The following PRRC2C variants were observed in gnomAD, a reference collection of about 807,000 sequenced individuals.
PRRC2C encodes proline rich coiled-coil 2C.
In PRRC2C, 72 loss-of-function variants were observed where a neutral mutation model predicts 317.2. The observed-to-expected ratio is 0.23, with a 90% CI of 0.19 to 0.28. The LOEUF (loss-of-function observed/expected upper bound fraction) is 0.28. Among genes scored for constraint, PRRC2C ranks in the 10% least tolerant of loss-of-function variants. The pLI is 1.00. For synonymous variants in PRRC2C, 1,296 were observed against 1,205.9 expected, an observed-to-expected ratio of 1.07 and a Z score of -1.55; for missense variants, 3,074 against 3,459.7, an observed-to-expected ratio of 0.89 and a Z score of 2.80.
rs1457456371 is a variant in PRRC2C at position 171,535,460 on chromosome 1, A to C, written c.1906A>C (p.Asn636His). The part of the protein sequence containing the change: ...EEPVFTRQDS[N>H]RSEKEATPVV... ...ACCCGTTTTCACTAGACAAGACAGC[A>C]ATCGCAGTGAAAAGGAAGCCACACC... Residue 636 changes from asparagine to histidine, a missense_variant, in exon 13 of 35, where the codon AAT becomes CAT. By Grantham distance (68) the Asn-to-His change is moderately conservative (BLOSUM62 1). Transcript: ENST00000647382. 1 of 1,613,960 alleles carries C rather than the reference A, an allele frequency of 6.2e-7. No individual in the cohort carries two copies. Among genetic ancestry groups the C allele is most frequent in the East Asian group, 2.2e-5 (1 of 44,886 alleles).
At chr1:171,551,295 C>T (rs1557982686) in intron 18 of PRRC2C, among the ~76,000 whole-genome samples, 1 of 152,126 alleles carries the variant, frequency 6.6e-6, no homozygotes, top group Non-Finnish European at 1.5e-5. Flanking sequence ...ATCCTTTGCC[C>T]ACTTTTTGAT....
chr1:171,498,989 T>TAGAG (rs1220788559), intron 1 of PRRC2C, among the ~76,000 whole-genome samples: 1 of 152,132 alleles, frequency 6.6e-6, no homozygotes, highest in Non-Finnish European at 1.5e-5. Flanking sequence ...TCATTTTGTT[T>TAGAG]AGAGACCAAG....
At chr1:171,499,054 C>T (rs1668622139) in intron 1 of PRRC2C, among the ~76,000 whole-genome samples, 3 of 152,240 alleles carry the variant, frequency 2.0e-5, no homozygotes, top group Admixed American at 2.0e-4. Flanking sequence ...AAGCATTCCT[C>T]CCTCCTTGGC....
Position 171,522,272 on chromosome 1 carries a change from A to C in PRRC2C, c.833+13A>C, listed in dbSNP as rs768177727. The C allele has an allele frequency of 6.6e-7, 1 of 1,525,882 alleles. No homozygotes were observed. Among genetic ancestry groups the C allele is most frequent in the Admixed American group, 1.7e-5 (1 of 59,440 alleles). The allele number at this position is 1,525,882 out of a possible 1,614,324, so 94.5% of individuals were successfully genotyped here. A position where few individuals can be genotyped will look rare whatever the true frequency, so the allele number is the denominator to read the frequency against. ...CTGAAACAAACAAGTAAGGCTATTAAATGATTAAAGTCTGTAAGGAATATA... is the reference window on the plus strand; with the variant it reads ...CTGAAACAAACAAGTAAGGCTATTACATGATTAAAGTCTGTAAGGAATATA... On this transcript the variant is annotated intron_variant, in intron 7 of 34. Coordinates refer to ENST00000647382, the MANE Select transcript of PRRC2C (RefSeq NM_001387844.1).
At position 171,522,278 on chromosome 1, in the gene PRRC2C, T is replaced by C; in HGVS notation, c.833+19T>C. The C allele has an allele frequency of 6.7e-7, 1 of 1,484,656 alleles. No homozygotes were observed. Among genetic ancestry groups the C allele is most frequent in the Non-Finnish European group, 9.4e-7 (1 of 1,065,916 alleles). The allele number at this position is 1,484,656 out of a possible 1,614,324, so 92.0% of individuals were successfully genotyped here. ...CAAACAAGTAAGGCTATTAAATGAT[T>C]AAAGTCTGTAAGGAATATATGCTTG... On this transcript the variant is annotated intron_variant, in intron 7 of 34. Coordinates refer to ENST00000647382, the MANE Select transcript of PRRC2C (RefSeq NM_001387844.1).
intron 28 of PRRC2C, among the ~76,000 whole-genome samples, chr1:171,582,036 CT>C (rs1356044277): frequency 6.6e-6 from 1 of 152,090 alleles, no homozygotes; most frequent in Non-Finnish European, 1.5e-5. Flanking sequence ...TGTTTGTTTG[CT>C]TGCTTAATCT....
chr1:171,556,010 A>G (rs556313627), intron 18 of PRRC2C, among the ~76,000 whole-genome samples: 19 of 152,272 alleles, frequency 1.2e-4, no homozygotes, highest in Admixed American at 1.3e-4. Context: ...TTGTTCAGCT[A>G]TGCCCTGCCC....
At chr1:171,528,437 C>CGT (rs1675114927) in intron 11 of PRRC2C, among the ~76,000 whole-genome samples, 1 of 152,024 alleles carries the variant, frequency 6.6e-6, no homozygotes, top group Non-Finnish European at 1.5e-5. Context: ...TACAGATGCC[C>CGT]GCCACCACGC....
At chr1:171,570,233 C>G (rs1684519535) in intron 23 of PRRC2C, among the ~76,000 whole-genome samples, 1 of 152,138 alleles carries the variant, frequency 6.6e-6, no homozygotes, top group South Asian at 2.1e-4. Context: ...TTTAGGACCT[C>G]TTGAGATGTC....
Position 171,541,630 on chromosome 1 carries a change from A to T in PRRC2C, c.4164A>T (p.Glu1388Asp), listed in dbSNP as rs1043802181. ...GGCAGTCAGAAGTTCCTAAACCAGA[A>T]GATGGAGAGCCGCCAAGAAGACATG... is the stretch of plus-strand genomic sequence containing the variant. The part of the protein sequence containing the change: ...NPRQSEVPKP[E>D]DGEPPRRHEQ... The change falls in exon 16 of 35, where the codon GAA becomes GAT. Residue 1388 changes from glutamate to aspartate, a missense_variant. Glu to Asp is a conservative substitution (Grantham distance 45, BLOSUM62 2). Around this residue, in one of 11 missense-constraint regions of PRRC2C, gnomAD observed 1,320 missense variants for 1,395.7 expected, o/e 0.95. Transcript: ENST00000647382. The surrounding 1 kb of genome is among the most constrained non-coding windows in gnomAD (Gnocchi z 4.1). The T allele has an allele frequency of 6.2e-7, 1 of 1,613,832 alleles. No individual in the cohort carries two copies. The highest frequency in any genetic ancestry group is 8.5e-7 in the Non-Finnish European group (1 of 1,179,864).
chr1:171,526,630 G>A (rs1674614624), intron 10 of PRRC2C, among the ~76,000 whole-genome samples: 1 of 151,858 alleles, frequency 6.6e-6, no homozygotes, highest in African/African-American at 2.4e-5. Flanking sequence ...GAGGCACCAC[G>A]CCTGGCTAAA....
At chr1:171,542,261 T>C in intron 16 of PRRC2C, 32 bp downstream of exon 16, 1 of 1,454,362 alleles carries the variant, frequency 6.9e-7, no homozygotes, top group Non-Finnish European at 9.1e-7. Context: ...TAGTTGCTTT[T>C]GCACCTTTAA....
Position 171,528,464 on chromosome 1 carries a change from GT to G in PRRC2C, c.1254+628del, listed in dbSNP as rs879405802. The stretch of plus-strand genomic sequence containing the variant: ...CCACCACGCCCGGCTAATTTTTTGT[GT>G]TTTTTTTAGTAGAGACGGGGTTTCA... On this transcript the variant is annotated intron_variant, in intron 11 of 34. Transcript: ENST00000647382. Among the ~76,000 whole-genome samples the G allele has an allele frequency of 2.1e-3, 318 of 150,676 alleles. 1 individual carries two copies. Among genetic ancestry groups the G allele is most frequent in the Admixed American group, 7.7e-3 (117 of 15,170 alleles).
In PRRC2C at chr1:171,559,505, GTTTGTTTTTTT is replaced by G. The variant is rs1165200008; in HGVS notation, c.6031+1366_6031+1376del. Among the ~76,000 whole-genome samples, 927 of 95,086 alleles carry G rather than the reference GTTTGTTTTTTT, an allele frequency of 9.7e-3. 119 individuals carry two copies. The highest frequency in any genetic ancestry group is 0.03 in the African/African-American group (738 of 24,844). 62.4% of individuals were successfully genotyped at this position (95,086 alleles called of 152,430 possible). On this transcript the variant is annotated intron_variant, in intron 19 of 34. Transcript: ENST00000647382. ...ATCTGTTTACAAAATGGCATACCAA[GTTTGTTTTTTT>G]TTTTTTTTTTTTTTTTTTTTTTTTG... is the stretch of plus-strand genomic sequence containing the variant.
intron 12 of PRRC2C, among the ~76,000 whole-genome samples, chr1:171,533,263 TAACTA>T (rs941023426): frequency 3.4e-4 from 52 of 152,216 alleles, no homozygotes; most frequent in African/African-American, 1.1e-3. Context: ...CCAAGACATT[TAACTA>T]AACAAAATCT....
chr1:171,524,711 AT>A (rs761475739), intron 9 of PRRC2C, 109 bp from the exon 10 acceptor site: 161 of 1,153,854 alleles, frequency 1.4e-4, no homozygotes, highest in Admixed American at 9.5e-4. Flanking sequence ...TCCTTAATAC[AT>A]TTCCCCCCCC....
chr1:171,575,236 C>A, intron 25 of PRRC2C, 108 bp downstream of exon 25: 1 of 1,102,250 alleles, frequency 9.1e-7, no homozygotes, highest in Non-Finnish European at 1.3e-6. Flanking sequence ...AATATTCAAT[C>A]TTCCCACCTC....
chr1:171,517,716 G>A lies in PRRC2C; in HGVS notation c.652G>A (p.Val218Met). The A allele has an allele frequency of 1.2e-6, 2 of 1,613,778 alleles. No individual in the cohort carries two copies. The highest frequency in any genetic ancestry group is 1.7e-6 in the Non-Finnish European group (2 of 1,179,844). The change falls in exon 6 of 35, where the codon GTG (valine) becomes ATG (methionine). Residue 218 changes from valine (V) to methionine (M), a missense_variant. Around this residue, in one of 11 missense-constraint regions of PRRC2C, gnomAD observed 237 missense variants for 199.5 expected, o/e 1.19. Coordinates refer to ENST00000647382, the MANE Select transcript of PRRC2C (RefSeq NM_001387844.1). Reference sequence around the variant, plus strand: ...ATCAGAGCAAAATGATATCCTCAAAGTGGTGGAAAAGAGGATAGCTTGTGG... The same window carrying A: ...ATCAGAGCAAAATGATATCCTCAAAATGGTGGAAAAGAGGATAGCTTGTGG... ...GTSEQNDILKVVEKRIACGPP... is the reference protein window; with the variant it reads ...GTSEQNDILKMVEKRIACGPP...
At chr1:171,539,844 G>A (rs1677633788) in intron 15 of PRRC2C, 127 bp from the exon 16 acceptor site, 2 of 855,058 alleles carry the variant, frequency 2.3e-6, no homozygotes, top group Non-Finnish European at 3.6e-6. Context: ...TTTTTATATA[G>A]CGAGAGAAAG....
Sources: allele counts gnomAD v4.1 joint callset (sites outside exome capture counted in the v4.1 genomes callset), GRCh38; gene constraint gnomAD v4.1.1; regional missense constraint gnomAD v4.1.1; non-coding constraint Gnocchi (gnomAD v3.1); transcripts MANE v1.5; gene names NCBI Gene and HGNC (gene_info 2026-07-23, HGNC 2026-07-21).